The following TMEM74 variants were observed in gnomAD, a reference collection of about 807,000 sequenced individuals.
TMEM74 encodes the protein transmembrane protein 74.
In TMEM74, 13 loss-of-function variants were observed where a neutral mutation model predicts 18.1. That is an observed-to-expected ratio of 0.72 (90% CI 0.47 to 1.14). The LOEUF (loss-of-function observed/expected upper bound fraction) is 1.14, where lower values mean the gene tolerates loss of function less well. Ranked by LOEUF, TMEM74 falls within the 50% of genes most tolerant of loss-of-function variation. The probability of loss-of-function intolerance (pLI) is 0.00; values close to 1 mark genes in which losing one functional copy is unlikely to be tolerated. For missense variants in TMEM74, 372 were observed against 375.9 expected, an observed-to-expected ratio of 0.99 and a Z score of 0.09; for synonymous variants, 159 against 146.6, an observed-to-expected ratio of 1.08 and a Z score of -0.61.
chr8:108,693,396 G>A (rs1471177620), intron 1 of TMEM74, among the ~76,000 whole-genome samples: 2 of 152,180 alleles, frequency 1.3e-5, no homozygotes, highest in Admixed American at 6.5e-5. Flanking sequence ...CTCAATCTCC[G>A]TATCTACTTT....
intron 2 of TMEM74, among the ~76,000 whole-genome samples, chr8:108,654,628 C>T (rs968203105): frequency 6.6e-6 from 1 of 151,924 alleles, no homozygotes; most frequent in African/African-American, 2.4e-5. Context: ...TGGTTTGGGG[C>T]CTCTGAAAGA....
chr8:108,707,909 C>T (rs1813432881), intron 1 of TMEM74, among the ~76,000 whole-genome samples: 1 of 152,166 alleles, frequency 6.6e-6, no homozygotes, highest in Admixed American at 6.5e-5. Flanking sequence ...TTCAGGGGTA[C>T]ACATCAGGTT....
chr8:108,711,301 A>G (rs899660027), intron 1 of TMEM74, among the ~76,000 whole-genome samples: 11 of 152,164 alleles, frequency 7.2e-5, no homozygotes, highest in Non-Finnish European at 1.5e-4. Context: ...TGCATTGTGA[A>G]TTAAAAGGAT....
At chr8:108,620,365 A>G (rs1427861271) in intron 2 of TMEM74, among the ~76,000 whole-genome samples, 2 of 152,158 alleles carry the variant, frequency 1.3e-5, no homozygotes, top group African/African-American at 2.4e-5. Flanking sequence ...GATTGAGTAG[A>G]GTTAGGAAAA....
chr8:108,749,633 GC>G (rs1331568717), intron 1 of TMEM74, among the ~76,000 whole-genome samples: 2 of 152,088 alleles, frequency 1.3e-5, no homozygotes, highest in African/African-American at 4.8e-5. Context: ...CTATTTGGAT[GC>G]CCTTTATTTC....
At chr8:108,696,813 A>G (rs1813285383) in intron 1 of TMEM74, among the ~76,000 whole-genome samples, 1 of 152,208 alleles carries the variant, frequency 6.6e-6, no homozygotes, top group African/African-American at 2.4e-5. Context: ...TGAATGCACA[A>G]TTTGTGTACA....
chr8:108,769,236 G>A (rs1009596914), intron 1 of TMEM74, among the ~76,000 whole-genome samples: 2 of 151,866 alleles, frequency 1.3e-5, no homozygotes, highest in Non-Finnish European at 2.9e-5. Flanking sequence ...GCTGAGGGAC[G>A]AGAATTGCTT....
At chr8:108,620,158 T>C (rs1318352632) in intron 2 of TMEM74, among the ~76,000 whole-genome samples, 2 of 152,196 alleles carry the variant, frequency 1.3e-5, no homozygotes, top group Non-Finnish European at 2.9e-5. Flanking sequence ...ATGTATGTTA[T>C]ACAATAGTTT....
intron 2 of TMEM74, among the ~76,000 whole-genome samples, chr8:108,651,332 A>T (rs1812772622): frequency 1.3e-5 from 2 of 152,156 alleles, no homozygotes; most frequent in Admixed American, 6.5e-5. Context: ...CTCTTTAGGA[A>T]CTGATTCATC....
intron 1 of TMEM74, among the ~76,000 whole-genome samples, chr8:108,688,526 G>A (rs891966893): frequency 5.9e-5 from 9 of 152,176 alleles, no homozygotes; most frequent in Non-Finnish European, 8.8e-5. Context: ...TAGGCAAAAG[G>A]TCAAGAACTC....
rs144376374 is a variant in TMEM74, at chr8:108,769,406, G to A, written n.119+18070C>T. Among the ~76,000 whole-genome samples the A allele has an allele frequency of 3.2e-4, 48 of 152,122 alleles. 1 individual carries two copies. In the East Asian group the frequency reaches 7.8e-3, roughly 25 times the overall value. ...TGCAACTGAGAATTTCTCAGCAAGC[G>A]CACTTTTCCTTCTTAAGCCTCCACC... On this transcript the variant is annotated intron_variant and non_coding_transcript_variant, in intron 1 of 3. Coordinates refer to the TMEM74 transcript ENST00000518838.
rs7837849 is a variant in TMEM74 at position 108,627,429 on chromosome 8, A to G, written n.265-18603T>C. 3.0e-3 allele frequency among the ~76,000 whole-genome samples: 457 copies of G among 152,154 alleles called. 1 individual carries two copies. The highest frequency in any genetic ancestry group is 0.01 in the African/African-American group (435 of 41,556). On this transcript the variant is annotated intron_variant and non_coding_transcript_variant, in intron 2 of 3. Coordinates refer to the TMEM74 transcript ENST00000518838. ...CACCATAGTTGAGCTGTGTGCTTTA[A>G]GTAAGTCACCTGTAAAGTAGGGATA...
chr8:108,654,559 A>G lies in TMEM74; in HGVS notation n.264+734T>C, dbSNP rs1417314302. Among the ~76,000 whole-genome samples, 9 of 152,116 alleles carry G rather than the reference A, an allele frequency of 5.9e-5. No homozygotes were observed. In the East Asian group the frequency reaches 1.3e-3, roughly 23 times the overall value. On this transcript the variant is annotated intron_variant and non_coding_transcript_variant, in intron 2 of 3. Coordinates refer to the TMEM74 transcript ENST00000518838. ...TGACCCATGTCTAGTTTGACTAATA[A>G]TTCTAGGGTTGGGAGTCTTTTCAAG...
intron 1 of TMEM74, among the ~76,000 whole-genome samples, chr8:108,719,037 T>G (rs1813558991): frequency 1.3e-5 from 2 of 151,844 alleles, no homozygotes; most frequent in Admixed American, 6.6e-5. Flanking sequence ...TGTAGTCACA[T>G]ATGCAGTGTT....
chr8:108,706,557 C>T (rs1457254219), intron 1 of TMEM74, among the ~76,000 whole-genome samples: 1 of 152,098 alleles, frequency 6.6e-6, no homozygotes, highest in Non-Finnish European at 1.5e-5. Flanking sequence ...GAATCATTGA[C>T]CCTTAATAGG....
rs1453220578 is a variant in TMEM74 at position 108,783,037 on chromosome 8, G to A, written c.*1144C>T. 6.6e-6 allele frequency among the ~76,000 whole-genome samples: 1 copy of A among 152,230 alleles called. No homozygotes were observed. Among genetic ancestry groups the A allele is most frequent in the Non-Finnish European group, 1.5e-5 (1 of 68,048 alleles). ...CTGAATGACATCTAGACCACTGTGAGTGGGAGGTGAGTTCTGACGATGACT... is the reference window on the plus strand; with the variant it reads ...CTGAATGACATCTAGACCACTGTGAATGGGAGGTGAGTTCTGACGATGACT... On this transcript the variant is annotated 3_prime_UTR_variant, in exon 2 of 2. Coordinates refer to ENST00000297459, the MANE Select transcript of TMEM74 (RefSeq NM_153015.3).
chr8:108,681,788 C>G (rs921542079), intron 1 of TMEM74, among the ~76,000 whole-genome samples: 3 of 152,114 alleles, frequency 2.0e-5, no homozygotes, highest in African/African-American at 7.2e-5. Context: ...CCACTTAGTT[C>G]TACACTTAAA....
intron 1 of TMEM74, among the ~76,000 whole-genome samples, chr8:108,755,263 A>G (rs1813948283): frequency 6.6e-6 from 1 of 152,082 alleles, no homozygotes; most frequent in Non-Finnish European, 1.5e-5. Flanking sequence ...TCAGTAATCC[A>G]AATGAGAAAG....
chr8:108,624,450 G>C (rs991568391), intron 2 of TMEM74, among the ~76,000 whole-genome samples: 1 of 152,032 alleles, frequency 6.6e-6, no homozygotes, highest in Non-Finnish European at 1.5e-5. Flanking sequence ...TGAAGGCCCA[G>C]TTGTCTGTAG....
Sources: allele counts gnomAD v4.1 joint callset (sites outside exome capture counted in the v4.1 genomes callset), GRCh38; gene constraint gnomAD v4.1.1; transcripts MANE v1.5; gene names NCBI Gene and HGNC (gene_info 2026-07-23, HGNC 2026-07-21).